Variants in ARHGEF3 observed in about 807,000 individuals in gnomAD.
ARHGEF3 encodes the protein 59.8 kDA protein.
In ARHGEF3, 28 loss-of-function variants were observed where a neutral mutation model predicts 63.2. That is an observed-to-expected ratio of 0.44 (90% CI 0.33 to 0.61). ARHGEF3 has a LOEUF of 0.61. Among genes scored for constraint, ARHGEF3 ranks in the 20% least tolerant of loss-of-function variants. ARHGEF3 has a pLI of 0.03. For missense variants in ARHGEF3, 533 were observed against 659.3 expected, an observed-to-expected ratio of 0.81 and a Z score of 2.10; for synonymous variants, 266 against 254.2, an observed-to-expected ratio of 1.05 and a Z score of -0.44.
At chr3:56,738,214 T>C (rs1441440428) in intron 7 of ARHGEF3, among the ~76,000 whole-genome samples, 2 of 152,140 alleles carry the variant, frequency 1.3e-5, no homozygotes, top group African/African-American at 4.8e-5. Flanking sequence ...TAATTTTTTG[T>C]ATTTTTAGTA....
chr3:57,074,499 C>T (rs1706116247), intron 1 of ARHGEF3: 1 of 560,196 alleles, frequency 1.8e-6, no homozygotes, highest in Non-Finnish European at 3.3e-6. Context: ...CAAGGTCACA[C>T]AATCCAGATC....
chr3:56,949,341 T>G (rs1560076512), intron 3 of ARHGEF3, among the ~76,000 whole-genome samples: 1 of 151,876 alleles, frequency 6.6e-6, no homozygotes, highest in African/African-American at 2.4e-5. Context: ...AGTCAAATTG[T>G]CCCTGTTTGC....
chr3:56,959,822 A>G (rs1700201873), intron 2 of ARHGEF3, among the ~76,000 whole-genome samples: 1 of 152,128 alleles, frequency 6.6e-6, no homozygotes, highest in Admixed American at 6.5e-5. Flanking sequence ...TACTAAAAAT[A>G]CAGAAATTAG....
At chr3:56,946,674 G>T (rs1041184908) in intron 3 of ARHGEF3, among the ~76,000 whole-genome samples, 3 of 152,190 alleles carry the variant, frequency 2.0e-5, no homozygotes, top group Non-Finnish European at 4.4e-5. Context: ...AAGTGATGGG[G>T]AGAATGGAAC....
At chr3:56,831,343 T>C (rs1462300852) in intron 4 of ARHGEF3, among the ~76,000 whole-genome samples, 2 of 152,250 alleles carry the variant, frequency 1.3e-5, no homozygotes, top group African/African-American at 4.8e-5. Flanking sequence ...ATTTTTACTC[T>C]AAAATAAGAA....
chr3:56,792,113 A>AAAAAAAAAAAGAAAAGAAAAG (rs55899473), intron 1 of ARHGEF3, among the ~76,000 whole-genome samples: 23 of 140,044 alleles, frequency 1.6e-4, no homozygotes, highest in African/African-American at 5.6e-4. Context: ...CAAAAAAAAA[A>AAAAAAAAAAAGAAAAGAAAAG]AAAAGAAAAG....
chr3:56,788,751 C>T (rs1332366972), intron 1 of ARHGEF3, among the ~76,000 whole-genome samples: 1 of 152,032 alleles, frequency 6.6e-6, no homozygotes, highest in East Asian at 1.9e-4. Context: ...GGGTGCCTCT[C>T]TACCCAGAGC....
intron 1 of ARHGEF3, chr3:57,073,913 G>C: frequency 6.2e-7 from 1 of 1,614,192 alleles, no homozygotes; most frequent in Non-Finnish European, 8.5e-7. Flanking sequence ...TGACATTTCA[G>C]GGGGATGTGT....
intron 2 of ARHGEF3, among the ~76,000 whole-genome samples, chr3:57,024,557 G>A (rs1415210481): frequency 6.6e-6 from 1 of 151,962 alleles, no homozygotes; most frequent in Non-Finnish European, 1.5e-5. Context: ...GTGCGATCTC[G>A]GCTCACTGCA....
chr3:57,069,602 G>A (rs1201895259), intron 1 of ARHGEF3, among the ~76,000 whole-genome samples: 1 of 152,104 alleles, frequency 6.6e-6, no homozygotes, highest in Non-Finnish European at 1.5e-5. Context: ...CTGTGCCAAA[G>A]CATTACATCT....
intron 2 of ARHGEF3, among the ~76,000 whole-genome samples, chr3:56,997,829 G>C (rs924829584): frequency 5.3e-5 from 8 of 152,074 alleles, no homozygotes; most frequent in African/African-American, 1.9e-4. Flanking sequence ...CACTCCTCCA[G>C]GGCCTCCACA....
At chr3:56,759,291 C>T (rs370601956) in intron 2 of ARHGEF3, among the ~76,000 whole-genome samples, 26 of 151,336 alleles carry the variant, frequency 1.7e-4, no homozygotes, top group African/African-American at 6.3e-4. Context: ...CATTCTCCTG[C>T]CTCAGCCTCC....
At chr3:56,974,788 G>C (rs924000203) in intron 2 of ARHGEF3, among the ~76,000 whole-genome samples, 1 of 152,092 alleles carries the variant, frequency 6.6e-6, no homozygotes, top group Non-Finnish European at 1.5e-5. Flanking sequence ...GCAGCCTCAC[G>C]TCCCTCCGGA....
At position 56,801,878 on chromosome 3, in the gene ARHGEF3, A is replaced by C; in HGVS notation, c.-80T>G. On this transcript the variant is annotated 5_prime_UTR_variant, in exon 1 of 10. Coordinates refer to ENST00000296315, the MANE Select transcript of ARHGEF3 (RefSeq NM_019555.3). Reference sequence around the variant, plus strand: ...AAACTCCCAGGCAAAAGGGGGCCCCAGCTCCACGATGCCGGGCGGCGGCGG... The same window carrying C: ...AAACTCCCAGGCAAAAGGGGGCCCCCGCTCCACGATGCCGGGCGGCGGCGG... The C allele has an allele frequency of 6.5e-7, 1 of 1,550,114 alleles. No individual in the cohort carries two copies. The highest frequency in any genetic ancestry group is 8.7e-7 in the Non-Finnish European group (1 of 1,146,686).
chr3:57,042,305 G>A (rs76944894), intron 1 of ARHGEF3, among the ~76,000 whole-genome samples: 3,416 of 152,200 alleles, frequency 0.022, 132 homozygotes, highest in African/African-American at 0.077. Flanking sequence ...AGCAGATCTA[G>A]ATGCACTAGC....
chr3:57,013,417 T>G (rs1702796523), intron 2 of ARHGEF3, among the ~76,000 whole-genome samples: 1 of 152,316 alleles, frequency 6.6e-6, no homozygotes, highest in African/African-American at 2.4e-5. Flanking sequence ...AGCTTGGGGT[T>G]TGTGGATGCA....
chr3:56,989,573 C>G (rs1331865953), intron 2 of ARHGEF3, among the ~76,000 whole-genome samples: 1 of 152,228 alleles, frequency 6.6e-6, no homozygotes, highest in African/African-American at 2.4e-5. Context: ...TGGCTGAGAG[C>G]TGGCGCTGGA....
intron 1 of ARHGEF3, among the ~76,000 whole-genome samples, chr3:57,053,473 T>A (rs1156673052): frequency 1.3e-5 from 2 of 152,224 alleles, no homozygotes; most frequent in African/African-American, 2.4e-5. Flanking sequence ...AAAGTTTCTA[T>A]GTGTTCTTTG....
chr3:56,784,145 T>C (rs1189109719), intron 1 of ARHGEF3, among the ~76,000 whole-genome samples: 1 of 152,216 alleles, frequency 6.6e-6, no homozygotes, highest in Non-Finnish European at 1.5e-5. Context: ...ATCTGCCTTC[T>C]GAGGCAGAAA....
Sources: allele counts gnomAD v4.1 joint callset (sites outside exome capture counted in the v4.1 genomes callset), GRCh38; gene constraint gnomAD v4.1.1; transcripts MANE v1.5; gene names NCBI Gene and HGNC (gene_info 2026-07-23, HGNC 2026-07-21).